Variants in POU6F2 observed in about 807,000 individuals in gnomAD.
POU6F2 encodes POU class 6 homeobox 2.
A neutral mutation model predicts 71.3 loss-of-function variants in POU6F2; 31 were observed. The observed-to-expected ratio is 0.43, with a 90% CI of 0.33 to 0.59. The LOEUF is 0.59. POU6F2 is among the 20% of genes least tolerant of loss of function. POU6F2 has a pLI of 0.04. For missense variants in POU6F2, 783 were observed against 856.8 expected, an observed-to-expected ratio of 0.91 and a Z score of 1.07; for synonymous variants, 347 against 355.7, an observed-to-expected ratio of 0.98 and a Z score of 0.27.
chr7:39,235,845 G>T (rs952665477), intron 4 of POU6F2, among the ~76,000 whole-genome samples: 2 of 152,084 alleles, frequency 1.3e-5, no homozygotes, highest in African/African-American at 2.4e-5. Context: ...AAACACATGT[G>T]GGGGAAAATG....
In POU6F2 at chr7:39,017,605, C is replaced by A. The variant is rs138626755; in HGVS notation, c.105+39547C>A. On this transcript the variant is annotated intron_variant, in intron 1 of 9. Coordinates refer to ENST00000518318, the MANE Select transcript of POU6F2 (RefSeq NM_001370959.1). Reference sequence around the variant, plus strand: ...AGCTGCTTCTAAGTGAACTTCCCCACCTCTCTGCCTCTCCTACCTCATCTA... The same window carrying A: ...AGCTGCTTCTAAGTGAACTTCCCCAACTCTCTGCCTCTCCTACCTCATCTA... 2.8e-3 allele frequency among the ~76,000 whole-genome samples: 420 copies of A among 152,256 alleles called. 3 individuals are homozygous for A. The highest frequency in any genetic ancestry group is 9.6e-3 in the African/African-American group (400 of 41,550).
At chr7:39,056,943 T>G (rs1293679058) in intron 1 of POU6F2, among the ~76,000 whole-genome samples, 1 of 152,104 alleles carries the variant, frequency 6.6e-6, no homozygotes, top group Non-Finnish European at 1.5e-5. Flanking sequence ...TTTCTTCTCA[T>G]TGGAATCAAA....
rs373152429 is a variant in POU6F2, at chr7:39,332,012, A to G, written c.599-7630A>G. Among the ~76,000 whole-genome samples the G allele has an allele frequency of 6.5e-4, 99 of 152,274 alleles. 2 individuals are homozygous for G. The South Asian group carries it at 0.017, about 27-fold the overall frequency. ...AGTGTTATTATAAAAAGAAATGTGT[A>G]TCTTCTTTAGGAAGTGGCTAGCATC... On this transcript the variant is annotated intron_variant, in intron 4 of 9. Transcript: ENST00000518318.
At chr7:39,042,379 G>A (rs1276308991) in intron 1 of POU6F2, among the ~76,000 whole-genome samples, 1 of 151,906 alleles carries the variant, frequency 6.6e-6, no homozygotes, top group Admixed American at 6.6e-5. Flanking sequence ...GGACTGTGGT[G>A]GAAAAGTGAT....
intron 4 of POU6F2, among the ~76,000 whole-genome samples, chr7:39,235,885 CT>C (rs985902923): frequency 6.6e-6 from 1 of 152,142 alleles, no homozygotes; most frequent in African/African-American, 2.4e-5. Flanking sequence ...ACACAGATGT[CT>C]TCTTTCCAAT....
At chr7:39,418,125 T>G (rs1787724991) in intron 6 of POU6F2, among the ~76,000 whole-genome samples, 1 of 152,222 alleles carries the variant, frequency 6.6e-6, no homozygotes, top group Admixed American at 6.5e-5. Context: ...CTCAGTTATG[T>G]CTAATAGAGA....
intron 4 of POU6F2, among the ~76,000 whole-genome samples, chr7:39,248,511 G>A (rs1435163348): frequency 6.6e-6 from 1 of 152,076 alleles, no homozygotes; most frequent in African/African-American, 2.4e-5. Context: ...CACTACAGCG[G>A]GCGCCCAGAG....
chr7:39,206,786 T>G (rs1794021997), intron 3 of POU6F2, among the ~76,000 whole-genome samples: 2 of 152,218 alleles, frequency 1.3e-5, no homozygotes, highest in Non-Finnish European at 2.9e-5. Flanking sequence ...GAATAATATC[T>G]TCAAGCTATA....
chr7:39,308,982 G>A (rs570327145), intron 4 of POU6F2, among the ~76,000 whole-genome samples: 6 of 152,352 alleles, frequency 3.9e-5, no homozygotes, highest in South Asian at 2.1e-4. Context: ...GCAGCCACAC[G>A]CAGAGACACA....
intron 1 of POU6F2, among the ~76,000 whole-genome samples, chr7:39,056,662 C>CTCTCTGTG (rs1554313685): frequency 5.5e-4 from 62 of 113,416 alleles, no homozygotes; most frequent in Non-Finnish European, 8.5e-4. Flanking sequence ...CTCTCTCTCT[C>CTCTCTGTG]TGTGTGTGTG....
chr7:39,378,971 G>C (rs1168052446), intron 5 of POU6F2, among the ~76,000 whole-genome samples: 1 of 152,180 alleles, frequency 6.6e-6, no homozygotes, highest in African/African-American at 2.4e-5. Context: ...AAAGATGCTA[G>C]AGGTGGATCA....
At chr7:39,073,838 A>G (rs1790940505) in intron 1 of POU6F2, among the ~76,000 whole-genome samples, 1 of 152,224 alleles carries the variant, frequency 6.6e-6, no homozygotes, top group Non-Finnish European at 1.5e-5. Context: ...TGGTGAAATC[A>G]ATTAGGCAGT....
intron 5 of POU6F2, among the ~76,000 whole-genome samples, chr7:39,360,925 C>T (rs1475542418): frequency 2.6e-5 from 4 of 152,158 alleles, no homozygotes; most frequent in Non-Finnish European, 4.4e-5. Context: ...CCGGCTTCTT[C>T]ACTGCAACCT....
At chr7:39,017,551 T>C (rs1383072802) in intron 1 of POU6F2, among the ~76,000 whole-genome samples, 1 of 152,136 alleles carries the variant, frequency 6.6e-6, no homozygotes, top group Non-Finnish European at 1.5e-5. Flanking sequence ...GAGGTCCCCA[T>C]ATCACCCAGA....
At chr7:39,387,933 G>T (rs1354590299) in intron 5 of POU6F2, among the ~76,000 whole-genome samples, 1 of 152,140 alleles carries the variant, frequency 6.6e-6, no homozygotes, top group Non-Finnish European at 1.5e-5. Flanking sequence ...CCTGCCTCGA[G>T]CAGTCATCCA....
chr7:39,109,641 G>A (rs1470004459), intron 2 of POU6F2, among the ~76,000 whole-genome samples: 1 of 152,140 alleles, frequency 6.6e-6, no homozygotes, highest in Non-Finnish European at 1.5e-5. Context: ...TAGTTTGATA[G>A]TATAATTTAT....
At chr7:39,102,133 AG>A (rs1791586954) in intron 2 of POU6F2, among the ~76,000 whole-genome samples, 1 of 152,220 alleles carries the variant, frequency 6.6e-6, no homozygotes, top group South Asian at 2.1e-4. Context: ...ATTAGGTGAA[AG>A]GGCCAGGTGC....
chr7:39,443,061 C>T (rs1170314159), intron 7 of POU6F2, among the ~76,000 whole-genome samples: 3 of 152,148 alleles, frequency 2.0e-5, no homozygotes, highest in Non-Finnish European at 2.9e-5. Flanking sequence ...TAGTCTCTCT[C>T]ACAGGCCCAG....
chr7:39,163,088 A>G (rs1793032079), intron 2 of POU6F2, among the ~76,000 whole-genome samples: 2 of 152,226 alleles, frequency 1.3e-5, no homozygotes, highest in Admixed American at 6.5e-5. Flanking sequence ...TTAATCAAAG[A>G]CAATTTTAAA....
Sources: gnomAD v4.1 joint callset for allele counts (sites outside exome capture counted in the v4.1 genomes callset) on GRCh38, gnomAD v4.1.1 for gene constraint, MANE v1.5 for transcripts, NCBI Gene and HGNC (gene_info 2026-07-23, HGNC 2026-07-21) for gene names.